The following RXYLT1 variants were observed in gnomAD, a reference collection of about 807,000 sequenced individuals.
RXYLT1 encodes the protein ribitol-5-phosphate xylosyltransferase 1.
Under a neutral mutation model 43.5 loss-of-function variants are expected in RXYLT1, and 41 were observed. The observed-to-expected ratio is 0.94, with a 90% CI of 0.73 to 1.22. The LOEUF is 1.22. RXYLT1 is among the 50% of genes most tolerant of loss of function. The pLI is 0.00. For missense variants in RXYLT1, 514 were observed against 532.0 expected, an observed-to-expected ratio of 0.97 and a Z score of 0.33; for synonymous variants, 166 against 194.4, an observed-to-expected ratio of 0.85 and a Z score of 1.21.
chr12:63,803,537 CAG>C (rs1395936046), intron 4 of RXYLT1, among the ~76,000 whole-genome samples: 1 of 152,090 alleles, frequency 6.6e-6, no homozygotes, highest in African/African-American at 2.4e-5. Flanking sequence ...GTTAGCGACA[CAG>C]ATGTCACTGG....
At chr12:63,787,736 C>T (rs764782304) in intron 3 of RXYLT1, among the ~76,000 whole-genome samples, 34 of 152,092 alleles carry the variant, frequency 2.2e-4, no homozygotes, top group Non-Finnish European at 4.6e-4. Flanking sequence ...AAGTGATTCT[C>T]GTGCTTCAAC....
intron 1 of RXYLT1, 160 bp downstream of exon 1, chr12:63,780,289 C>T: frequency 1.5e-6 from 2 of 1,358,022 alleles, no homozygotes; most frequent in Non-Finnish European, 1.9e-6. Context: ...GCCCTTGGCT[C>T]GGAATTGGAG....
In RXYLT1 at chr12:63,780,356, G is replaced by A. The variant is rs1169993313; in HGVS notation, c.169+227G>A. On this transcript the variant is annotated intron_variant, in intron 1 of 5. Transcript: ENST00000261234. ...GCCGTCCCCGCTCCCGATCCCAGGG[G>A]GTGACAGGCGCGCACGCCTTTCAAA... The A allele has an allele frequency of 5.4e-6, 7 of 1,286,448 alleles. No individual in the cohort carries two copies. In the Admixed American group the frequency reaches 1.2e-4, roughly 23 times the overall value. The allele number at this position is 1,286,448 out of a possible 1,614,324, so 79.7% of individuals were successfully genotyped here.
Position 63,785,053 on chromosome 12 carries a change from G to A in RXYLT1, c.409G>A (p.Val137Ile), listed in dbSNP as rs138231365. ...TAQWREGKSI[V>I]GRTQYSFITG... The stretch of plus-strand genomic sequence containing the variant: ...TCAATGGAGAGAAGGAAAGTCAATC[G>A]TAGGAAGAACACAGTACAGGTATTG... The change falls in exon 3 of 6, where the codon GTA becomes ATA. Residue 137 changes from valine (V) to isoleucine (I), a missense_variant. Coordinates refer to ENST00000261234, the MANE Select transcript of RXYLT1 (RefSeq NM_014254.3). 40 of 1,613,436 alleles carry A rather than the reference G, an allele frequency of 2.5e-5. No individual in the cohort carries two copies. The highest frequency in any genetic ancestry group is 6.7e-5 in the Admixed American group (4 of 59,996).
At chr12:63,799,410 T>A (rs1898109298) in intron 3 of RXYLT1, among the ~76,000 whole-genome samples, 2 of 149,270 alleles carry the variant, frequency 1.3e-5, no homozygotes, top group Non-Finnish European at 3.0e-5. Context: ...GCTCAAGTGA[T>A]CCTCCTGCCT....
chr12:63,798,895 CTG>C (rs993640283), intron 3 of RXYLT1, among the ~76,000 whole-genome samples: 4 of 152,110 alleles, frequency 2.6e-5, no homozygotes, highest in Non-Finnish European at 4.4e-5. Context: ...CTTTCAGTGT[CTG>C]TGTATTTTTT....
At chr12:63,803,997 G>C (rs534460482) in intron 4 of RXYLT1, 1 of 152,242 alleles carries the variant, frequency 6.6e-6, no homozygotes, top group East Asian at 1.9e-4. Context: ...GGGATTACAG[G>C]TGGGCATCAC....
chr12:63,801,689 G>A (rs892829846), intron 3 of RXYLT1, among the ~76,000 whole-genome samples: 1 of 151,944 alleles, frequency 6.6e-6, no homozygotes, highest in African/African-American at 2.4e-5. Context: ...GTGTGTAGTG[G>A]TGCACACCCG....
chr12:63,786,078 G>A (rs1458346093), intron 3 of RXYLT1, among the ~76,000 whole-genome samples: 8 of 152,102 alleles, frequency 5.3e-5, no homozygotes, highest in Admixed American at 5.2e-4. Context: ...ACTTACAATG[G>A]TTGGATTTGG....
chr12:63,780,377 T>C (rs1897650912), intron 1 of RXYLT1: 1 of 1,285,766 alleles, frequency 7.8e-7, no homozygotes, highest in East Asian at 3.3e-5. Flanking sequence ...CGCACGCCTT[T>C]CAAACACGTG....
At chr12:63,795,263 A>G (rs1199791854) in intron 3 of RXYLT1, among the ~76,000 whole-genome samples, 1 of 151,160 alleles carries the variant, frequency 6.6e-6, no homozygotes, top group South Asian at 2.1e-4. Flanking sequence ...CCTGGGCGAC[A>G]GTGAGACCCT....
intron 3 of RXYLT1, among the ~76,000 whole-genome samples, chr12:63,800,920 CAA>C (rs113859139): frequency 1.6e-5 from 2 of 123,180 alleles, no homozygotes; most frequent in Non-Finnish European, 3.5e-5. Flanking sequence ...GACTCTGTCT[CAA>C]AAAAAAAAAA....
chr12:63,804,088 A>C (rs937396330), intron 4 of RXYLT1: 1 of 152,130 alleles, frequency 6.6e-6, no homozygotes, highest in African/African-American at 2.4e-5. Context: ...CCTGACCTCA[A>C]GTGATCTGCC....
chr12:63,809,377 TG>T lies in RXYLT1; in HGVS notation c.*286del, dbSNP rs1898398589. 7.4e-6 allele frequency: 2 copies of T among 270,670 alleles called. No individual in the cohort carries two copies. The highest frequency in any genetic ancestry group is 1.1e-4 in the South Asian group (2 of 18,394). 16.8% of individuals were successfully genotyped at this position (270,670 alleles called of 1,614,324 possible). A position where few individuals can be genotyped will look rare whatever the true frequency, so the allele number is the denominator to read the frequency against. On this transcript the variant is annotated 3_prime_UTR_variant, in exon 6 of 6. Transcript: ENST00000261234. ...ACTCACGTGTTTGTGGTGATACTGG[TG>T]TAAACAAATCTATTGCACTGCCAGT...
intron 2 of RXYLT1, among the ~76,000 whole-genome samples, chr12:63,782,881 C>T (rs566187941): frequency 5.9e-5 from 9 of 152,264 alleles, no homozygotes; most frequent in South Asian, 4.1e-4. Flanking sequence ...CTTAATGGTC[C>T]GAGAATTTCC....
In RXYLT1 at chr12:63,808,739, C is replaced by T. The variant is rs758988317; in HGVS notation, c.979C>T (p.Leu327Phe). Residue 327 changes from leucine (L) to phenylalanine (F), a missense_variant, in exon 6 of 6, where the codon CTC (leucine) becomes TTC (phenylalanine). Transcript: ENST00000261234. ...NYQDALLQSD[L>F]TLCPVGVNTE... is the part of the protein sequence containing the mutation. ...CCAAGATGCCTTGCTTCAGAGTGAT[C>T]TCACATTGTGCCCGGTCGGAGTAAA... is the stretch of plus-strand genomic sequence containing the variant. 1.9e-6 allele frequency: 3 copies of T among 1,611,606 alleles called. No individual in the cohort carries two copies. In the African/African-American group the frequency reaches 4.0e-5, roughly 22 times the overall value.
chr12:63,782,920 C>T (rs1243176255), intron 2 of RXYLT1, among the ~76,000 whole-genome samples: 6 of 152,148 alleles, frequency 3.9e-5, no homozygotes, highest in African/African-American at 1.4e-4. Flanking sequence ...TTCCCTTTTG[C>T]TTAACAGTTT....
intron 4 of RXYLT1, 29 bp from the exon 5 acceptor site, chr12:63,805,205 T>A: frequency 6.4e-7 from 1 of 1,568,266 alleles, no homozygotes; most frequent in Non-Finnish European, 8.6e-7. Context: ...CTATATCATA[T>A]GTTAATTCAT....
chr12:63,809,008 G>A lies in RXYLT1; in HGVS notation c.1248G>A (p.Gln416=). The stretch of plus-strand genomic sequence containing the variant: ...TTGAAAGAAGAAAAATGTTACTTCA[G>A]TGGTATCAGCACTTCAAGACAGAGC... ...EKIERRKMLL[Q]WYQHFKTELK... Residue 416 remains glutamine, a synonymous_variant, in exon 6 of 6, where the codon CAG becomes CAA. Coordinates refer to ENST00000261234, the MANE Select transcript of RXYLT1 (RefSeq NM_014254.3). 6.2e-7 allele frequency: 1 copy of A among 1,610,800 alleles called. No homozygotes were observed. The highest frequency in any genetic ancestry group is 8.5e-7 in the Non-Finnish European group (1 of 1,178,034).
Sources: allele counts gnomAD v4.1 joint callset (sites outside exome capture counted in the v4.1 genomes callset), GRCh38; gene constraint gnomAD v4.1.1; transcripts MANE v1.5; gene names NCBI Gene and HGNC (gene_info 2026-07-23, HGNC 2026-07-21).